Variants in BIN1 observed in about 807,000 individuals in gnomAD.
The protein encoded by BIN1 is myc box-dependent-interacting protein 1.
In BIN1, 53 loss-of-function variants were observed where a neutral mutation model predicts 82.0. The observed-to-expected ratio is 0.65, with a 90% CI of 0.52 to 0.81. BIN1 has a LOEUF of 0.81. BIN1 is among the 40% of genes least tolerant of loss of function. The pLI is 0.00. For synonymous variants in BIN1, 302 were observed against 328.0 expected (o/e 0.92, Z 0.86); for missense variants, 642 against 784.4 (o/e 0.82, Z 2.17).
At chr2:127,100,157 A>G (rs1182483565) in intron 1 of BIN1, among the ~76,000 whole-genome samples, 1 of 152,198 alleles carries the variant, frequency 6.6e-6, no homozygotes, top group African/African-American at 2.4e-5. Flanking sequence ...ACTATTTGGG[A>G]AAAAACACAC....
In BIN1 at chr2:127,066,701, G is replaced by C. The variant is rs539149366; in HGVS notation, c.612+1462C>G. Reference sequence around the variant, plus strand: ...TTCCCCATGGGCACCCTGACCTCAGGATGAGGCTGTCAACACTCAGTGTCT... The same window carrying C: ...TTCCCCATGGGCACCCTGACCTCAGCATGAGGCTGTCAACACTCAGTGTCT... On this transcript the variant is annotated intron_variant, in intron 7 of 18. Coordinates refer to ENST00000316724, the MANE Select transcript of BIN1 (RefSeq NM_139343.3). 2.0e-5 allele frequency among the ~76,000 whole-genome samples: 3 copies of C among 152,274 alleles called. No individual in the cohort carries two copies. In the South Asian group the frequency reaches 6.2e-4, roughly 32 times the overall value.
chr2:127,048,495 C>T lies in BIN1; in HGVS notation c.*31G>A, dbSNP rs770140124. ...ACATTTTTCGGGAGGAGGTGTTCTT[C>T]ACACGCCCGGAGGCTGCCTGGGCCC... On this transcript the variant is annotated 3_prime_UTR_variant, in exon 19 of 19. Transcript: ENST00000316724. 6.2e-7 allele frequency: 1 copy of T among 1,602,418 alleles called. No homozygotes were observed. The highest frequency in any genetic ancestry group is 1.1e-5 in the South Asian group (1 of 90,898).
At chr2:127,076,553 C>T (rs890271425) in intron 2 of BIN1, 73 bp downstream of exon 2, 13 of 1,550,438 alleles carry the variant, frequency 8.4e-6, no homozygotes, top group Middle Eastern at 1.7e-4. Flanking sequence ...TCCACAAATT[C>T]AGCTCGTGCC....
rs1476357459 is a variant in BIN1, at chr2:127,082,019, G to A, written c.85-5313C>T. On this transcript the variant is annotated intron_variant, in intron 1 of 18. Transcript: ENST00000316724. This position sits in a 1 kb window ranked among gnomAD's most constrained non-coding sequence, Gnocchi z 6.1. ...GCAGACACAGACAGAGGACAGGCAG[G>A]CGGGCAGGGGGAAGGCCACTGTCAG... 6.6e-6 allele frequency among the ~76,000 whole-genome samples: 1 copy of A among 152,078 alleles called. No individual in the cohort carries two copies. The highest frequency in any genetic ancestry group is 1.5e-5 in the Non-Finnish European group (1 of 68,012).
chr2:127,081,000 C>T (rs1305543014), intron 1 of BIN1, among the ~76,000 whole-genome samples: 1 of 152,250 alleles, frequency 6.6e-6, no homozygotes, highest in East Asian at 1.9e-4. Context: ...GTGCCCCTCC[C>T]CAGCCCTCCG....
At chr2:127,050,779 G>A in intron 17 of BIN1, 23 bp downstream of exon 17, 2 of 1,608,988 alleles carry the variant, frequency 1.2e-6, no homozygotes, top group Non-Finnish European at 1.7e-6. Context: ...AGGGACTGCA[G>A]CAGTCAGAGG....
At chr2:127,086,209 G>A (rs1276425233) in intron 1 of BIN1, among the ~76,000 whole-genome samples, 1 of 152,162 alleles carries the variant, frequency 6.6e-6, no homozygotes, top group Non-Finnish European at 1.5e-5. Flanking sequence ...TCTAGAGCCA[G>A]GATGCCACAC....
intron 1 of BIN1, among the ~76,000 whole-genome samples, chr2:127,104,985 C>T (rs1680851137): frequency 6.6e-6 from 1 of 152,204 alleles, no homozygotes; most frequent in Non-Finnish European, 1.5e-5. Flanking sequence ...TGGGCAAGGT[C>T]AGCTGTTGGC....
In BIN1 at chr2:127,053,951, A is replaced by AG; in HGVS notation, c.1192dup (p.Leu398ProfsTer87). The AG allele has an allele frequency of 6.4e-7, 1 of 1,551,506 alleles. No homozygotes were observed. Among genetic ancestry groups the AG allele is most frequent in the Non-Finnish European group, 8.7e-7 (1 of 1,147,052 alleles). On this transcript the variant is annotated frameshift_variant, in exon 13 of 19. Transcript: ENST00000316724. LOFTEE classifies it high-confidence loss of function. The stretch of plus-strand genomic sequence containing the variant: ...CTTCACAGGGCTCGTCACGGGCGGG[A>AG]GGGGGTCAAAGTCCAGGTCCAGCAG...
chr2:127,106,774 C>A, intron 1 of BIN1, 86 bp downstream of exon 1: 3 of 1,485,616 alleles, frequency 2.0e-6, no homozygotes, highest in Non-Finnish European at 2.7e-6. Flanking sequence ...AAGGACCAGG[C>A]CCCGGGGTCG....
At chr2:127,089,611 C>G (rs151160906) in intron 1 of BIN1, among the ~76,000 whole-genome samples, 2 of 152,200 alleles carry the variant, frequency 1.3e-5, no homozygotes, top group Non-Finnish European at 2.9e-5. Context: ...CACACCCCAC[C>G]GTCAGGTTTC....
At position 127,106,887 on chromosome 2, in the gene BIN1, C is replaced by G. The variant is rs142657993; in HGVS notation, c.57G>C (p.Gln19His). ...TCTCCTGCGCGCGGGTGAGCTTCTTCTGCACGTTGCTGGCGATCTTTCCCG... is the reference window on the plus strand; with the variant it reads ...TCTCCTGCGCGCGGGTGAGCTTCTTGTGCACGTTGCTGGCGATCTTTCCCG... ...VTAGKIASNV[Q>H]KKLTRAQEKV... Residue 19 changes from glutamine (Q) to histidine (H), a missense_variant, in exon 1 of 19, where the codon CAG becomes CAC. Physicochemically the swap from Gln to His is conservative, Grantham distance 24 (BLOSUM62 0). Coordinates refer to ENST00000316724, the MANE Select transcript of BIN1 (RefSeq NM_139343.3). 1.2e-6 allele frequency: 2 copies of G among 1,612,186 alleles called. No homozygotes were observed. The highest frequency in any genetic ancestry group is 1.7e-6 in the Non-Finnish European group (2 of 1,179,612).
At chr2:127,086,102 T>G (rs2105232548) in intron 1 of BIN1, among the ~76,000 whole-genome samples, 1 of 152,326 alleles carries the variant, frequency 6.6e-6, no homozygotes, top group Middle Eastern at 3.4e-3. Context: ...CCCCTCCCGT[T>G]GGGTTCATAT....
rs6716362 is a variant in BIN1 at position 127,063,835 on chromosome 2, G to A, written c.698+98C>T. ...CACCGCAGCACGCAGACTGGACACCGCAGCACGCAGGCTGGGCACCACAGC... is the reference window on the plus strand; with the variant it reads ...CACCGCAGCACGCAGACTGGACACCACAGCACGCAGGCTGGGCACCACAGC... On this transcript the variant is annotated intron_variant, in intron 8 of 18. Transcript: ENST00000316724. 7.8e-5 allele frequency: 117 copies of A among 1,501,908 alleles called. 1 individual carries two copies. The highest frequency in any genetic ancestry group is 2.0e-4 in the Admixed American group (12 of 59,106). 93.0% of individuals were successfully genotyped at this position (1,501,908 alleles called of 1,614,324 possible).
At chr2:127,066,099 G>A (rs982167169) in intron 7 of BIN1, among the ~76,000 whole-genome samples, 3 of 152,178 alleles carry the variant, frequency 2.0e-5, no homozygotes, top group African/African-American at 7.2e-5. Flanking sequence ...GCAGCCTAGA[G>A]AGGATGCACT....
At chr2:127,074,157 G>T (rs184040747) in intron 2 of BIN1, among the ~76,000 whole-genome samples, 1 of 152,056 alleles carries the variant, frequency 6.6e-6, no homozygotes, top group Non-Finnish European at 1.5e-5. Context: ...GCAAGAAAAA[G>T]CTCCACCTCC....
chr2:127,063,690 C>A, intron 8 of BIN1, 44 bp from the exon 9 acceptor site: 1 of 1,596,456 alleles, frequency 6.3e-7, no homozygotes, highest in South Asian at 1.1e-5. Context: ...ACAGGCAGGT[C>A]AGGACAGCAA....
At position 127,059,216 on chromosome 2, in the gene BIN1, G is replaced by T. The variant is rs142766213; in HGVS notation, c.858-61C>A. The T allele has an allele frequency of 2.6e-4, 403 of 1,535,448 alleles. No individual in the cohort carries two copies. The highest frequency in any genetic ancestry group is 3.3e-4 in the Middle Eastern group (2 of 5,974). ...GGGGGCCAAGGCACAGGAGACGGAG[G>T]GGCAAATGTATTGACGTCTGTGTGA... On this transcript the variant is annotated intron_variant, in intron 10 of 18. Transcript: ENST00000316724. The surrounding 1 kb of genome is among the most constrained non-coding windows in gnomAD (Gnocchi z 6.7).
chr2:127,058,736 C>CA (rs1684033714), intron 11 of BIN1, among the ~76,000 whole-genome samples: 2 of 151,248 alleles, frequency 1.3e-5, no homozygotes, highest in East Asian at 3.9e-4. Context: ...AAGAGTCAAG[C>CA]AGACAAAAGA....
Sources: gnomAD v4.1 joint callset for allele counts (sites outside exome capture counted in the v4.1 genomes callset) on GRCh38, gnomAD v4.1.1 for gene constraint, Gnocchi (gnomAD v3.1) non-coding constraint, MANE v1.5 for transcripts, NCBI Gene and HGNC (gene_info 2026-07-23, HGNC 2026-07-21) for gene names.